MSI1: variants seen among roughly 807,000 people sequenced by gnomAD.
MSI1 encodes musashi RNA binding protein 1, also known as RNA-binding protein Musashi homolog 1.
Under a neutral mutation model 54.4 loss-of-function variants are expected in MSI1, and 15 were observed. The observed-to-expected ratio is 0.28, with a 90% CI of 0.18 to 0.42. The LOEUF is 0.42. Among genes scored for constraint, MSI1 ranks in the 20% least tolerant of loss-of-function variants. The pLI, the probability that MSI1 is intolerant of heterozygous loss-of-function variation, is 1.00. For missense variants in MSI1, 304 were observed against 506.0 expected (o/e 0.60, Z 3.83); for synonymous variants, 200 against 196.5 (o/e 1.02, Z -0.15).
At chr12:120,362,038 C>T (rs576325219) in intron 6 of MSI1, among the ~76,000 whole-genome samples, 1 of 152,124 alleles carries the variant, frequency 6.6e-6, no homozygotes, top group South Asian at 2.1e-4. Flanking sequence ...GAGCGCCCTA[C>T]CCTCTGGGGC....
chr12:120,358,180 T>C (rs1875304834), intron 7 of MSI1, among the ~76,000 whole-genome samples: 1 of 152,222 alleles, frequency 6.6e-6, no homozygotes, highest in Admixed American at 6.5e-5. Context: ...ACACTCAACA[T>C]GCTTTTTCTA....
intron 6 of MSI1, among the ~76,000 whole-genome samples, chr12:120,362,158 T>TCC (rs369215040): frequency 1.4e-5 from 2 of 139,810 alleles, no homozygotes; most frequent in South Asian, 2.4e-4. Flanking sequence ...AGGGGACACC[T>TCC]CCCCCCCCCA....
At position 120,353,372 on chromosome 12, in the gene MSI1, T is replaced by C. The variant is rs771645562; in HGVS notation, c.660A>G (p.Pro220=). 5.0e-6 allele frequency: 8 copies of C among 1,613,956 alleles called. No individual in the cohort carries two copies. The highest frequency in any genetic ancestry group is 6.8e-6 in the Non-Finnish European group (8 of 1,179,950). ...TGGCGTAGGTTGTGGCTTGGAAACC[T>C]GGGTAACCTGATGGGGCAAGGGGGC... ...FMLGIGMLGY[P]GFQATTYASR... Residue 220 remains proline (P), a synonymous_variant, in exon 10 of 15, where the codon CCA becomes CCG. Coordinates refer to ENST00000257552, the MANE Select transcript of MSI1 (RefSeq NM_002442.4).
At chr12:120,353,508 CCTT>C (rs747667367) in intron 9 of MSI1, 129 bp from the exon 10 acceptor site, 28 of 790,632 alleles carry the variant, frequency 3.5e-5, no homozygotes, top group Non-Finnish European at 5.3e-5. Context: ...CCTCCAAATA[CCTT>C]CTTCATACCA....
rs1226645403 is a variant in MSI1 at position 120,368,408 on chromosome 12, G to C, written c.101-135C>G. On this transcript the variant is annotated intron_variant, in intron 2 of 14. Coordinates refer to ENST00000257552, the MANE Select transcript of MSI1 (RefSeq NM_002442.4). This position sits in a 1 kb window ranked among gnomAD's most constrained non-coding sequence, Gnocchi z 6.6. ...TGCCCGCGCGTTCTCCACTGCCGCC[G>C]CCCCCCACCGCCCTCGCCCCGTTCC... 2 of 844,578 alleles carry C rather than the reference G, an allele frequency of 2.4e-6. No homozygotes were observed. Among genetic ancestry groups the C allele is most frequent in the Non-Finnish European group, 3.4e-6 (2 of 593,530 alleles). The allele number at this position is 844,578 out of a possible 1,614,324, so 52.3% of individuals were successfully genotyped here.
chr12:120,357,822 G>T lies in MSI1; in HGVS notation c.528C>A (p.Asn176Lys). Reference protein sequence around the residue: ...VCEIHFHEINNKMVECKKAQP... With the variant: ...VCEIHFHEINKKMVECKKAQP... ...GCGCCCGGACCCAACTCACCATTTTGTTGTTGATTTCATGAAAATGAATTT... is the reference window on the plus strand; with the variant it reads ...GCGCCCGGACCCAACTCACCATTTTTTTGTTGATTTCATGAAAATGAATTT... Residue 176 changes from asparagine to lysine, a missense_variant, in exon 8 of 15, where the codon AAC becomes AAA. Coordinates refer to ENST00000257552, the MANE Select transcript of MSI1 (RefSeq NM_002442.4). The T allele has an allele frequency of 6.2e-7, 1 of 1,613,980 alleles. No homozygotes were observed.
Position 120,341,743 on chromosome 12 carries a change from C to T in MSI1, c.*1384G>A, listed in dbSNP as rs1873683450. The T allele has an allele frequency of 6.6e-6, 1 of 152,194 alleles. No individual in the cohort carries two copies. Among genetic ancestry groups the T allele is most frequent in the South Asian group, 2.1e-4 (1 of 4,820 alleles). The allele number at this position is 152,194 out of a possible 1,614,324, so 9.4% of individuals were successfully genotyped here. ...TTCTCAGGGCTGATAGGTTAAGCAC[C>T]TCACACAGACAATTAACTCTCCAAA... On this transcript the variant is annotated 3_prime_UTR_variant, in exon 15 of 15. Transcript: ENST00000257552.
chr12:120,365,022 T>C (rs760987800), intron 4 of MSI1, among the ~76,000 whole-genome samples: 7 of 152,220 alleles, frequency 4.6e-5, no homozygotes, highest in Admixed American at 1.3e-4. Context: ...GTGATTCTCC[T>C]GCCTCAGCCT....
chr12:120,349,206 C>T (rs1482302655), intron 11 of MSI1, among the ~76,000 whole-genome samples: 6 of 151,750 alleles, frequency 4.0e-5, no homozygotes, highest in Non-Finnish European at 7.4e-5. Flanking sequence ...AGTGATTCTC[C>T]TGGCTCAGCC....
intron 11 of MSI1, among the ~76,000 whole-genome samples, chr12:120,350,674 C>T (rs1197213854): frequency 5.3e-5 from 8 of 152,220 alleles, no homozygotes; most frequent in African/African-American, 1.9e-4. Flanking sequence ...CGGCTCAAGG[C>T]TGGCTCCGCA....
At chr12:120,348,554 T>TA (rs1362278923) in intron 11 of MSI1, among the ~76,000 whole-genome samples, 1 of 71,098 alleles carries the variant, frequency 1.4e-5, no homozygotes, top group Non-Finnish European at 3.1e-5. Context: ...TCCAAAAATA[T>TA]CTTTTTTTTT....
At chr12:120,353,934 CT>C (rs1194966587) in intron 9 of MSI1, among the ~76,000 whole-genome samples, 20 of 152,172 alleles carry the variant, frequency 1.3e-4, no homozygotes, top group African/African-American at 4.1e-4. Flanking sequence ...GTCACCTTGG[CT>C]TTTCTTAGTA....
Position 120,350,225 on chromosome 12 carries a change from C to T in MSI1, c.790+1119G>A, listed in dbSNP as rs963178884. On this transcript the variant is annotated intron_variant, in intron 11 of 14. Transcript: ENST00000257552. ...TTTTTTTAGTAGAGATGGGGTTTCA[C>T]CATGTTGCCCAGGCTAGTCTTGAAC... Among the ~76,000 whole-genome samples, 221 of 152,178 alleles carry T rather than the reference C, an allele frequency of 1.5e-3. 2 individuals are homozygous for T. Among genetic ancestry groups the T allele is most frequent in the African/African-American group, 5.2e-3 (214 of 41,452 alleles).
intron 4 of MSI1, 92 bp downstream of exon 4, chr12:120,367,916 C>T (rs1592952472): frequency 7.7e-7 from 1 of 1,299,246 alleles, no homozygotes; most frequent in Non-Finnish European, 1.1e-6. Context: ...CCTCATGGAC[C>T]CCGTCCAGCT....
At chr12:120,343,500 G>C (rs905879756) in intron 14 of MSI1, among the ~76,000 whole-genome samples, 8 of 151,886 alleles carry the variant, frequency 5.3e-5, no homozygotes, top group African/African-American at 1.9e-4. Context: ...CTGGGATTAC[G>C]AATGTGAGCC....
chr12:120,353,339 A>G lies in MSI1; in HGVS notation c.693T>C (p.Ser231=). 1.2e-6 allele frequency: 2 copies of G among 1,613,904 alleles called. No homozygotes were observed. The highest frequency in any genetic ancestry group is 1.7e-6 in the Non-Finnish European group (2 of 1,179,972). Residue 231 remains serine (S), a synonymous_variant, in exon 10 of 15, where the codon AGT becomes AGC. Transcript: ENST00000257552. ...GFQATTYASR[S]YTGLAPGYTY... ...TGTAGCCAGGGGCGAGGCCTGTATA[A>G]CTCCGGCTGGCGTAGGTTGTGGCTT... is the stretch of plus-strand genomic sequence containing the variant.
At chr12:120,351,264 G>T in intron 11 of MSI1, 80 bp downstream of exon 11, 1 of 1,327,692 alleles carries the variant, frequency 7.5e-7, no homozygotes, top group Non-Finnish European at 1.1e-6. Flanking sequence ...GATCCCGCTA[G>T]CTTTCCCCAG....
chr12:120,367,602 G>C (rs1298830592), intron 4 of MSI1, among the ~76,000 whole-genome samples: 1 of 152,068 alleles, frequency 6.6e-6, no homozygotes, highest in African/African-American at 2.4e-5. Flanking sequence ...GATGAAGAGG[G>C]GGTGTCGCAG....
chr12:120,352,533 T>A (rs1035496564), intron 10 of MSI1, among the ~76,000 whole-genome samples: 3 of 145,744 alleles, frequency 2.1e-5, no homozygotes, highest in African/African-American at 7.4e-5. Flanking sequence ...TGTCCTCATC[T>A]CTAAAATGAG....
Sources: gnomAD v4.1 joint callset for allele counts (sites outside exome capture counted in the v4.1 genomes callset) on GRCh38, gnomAD v4.1.1 for gene constraint, Gnocchi (gnomAD v3.1) non-coding constraint, MANE v1.5 for transcripts, NCBI Gene and HGNC (gene_info 2026-07-23, HGNC 2026-07-21) for gene names.